The following SLC25A30 variants were observed in gnomAD, a reference collection of about 807,000 sequenced individuals.
SLC25A30 encodes the protein solute carrier family 25 member 30.
A neutral mutation model predicts 42.7 loss-of-function variants in SLC25A30; 29 were observed. The observed-to-expected ratio is 0.68, with a 90% confidence interval of 0.51 to 0.93. The LOEUF is 0.93. Ranked by LOEUF, SLC25A30 falls within the 40% of genes least tolerant of loss-of-function variation. The pLI, the probability that SLC25A30 is intolerant of heterozygous loss-of-function variation, is 0.00. For synonymous variants in SLC25A30, 124 were observed against 131.0 expected, an observed-to-expected ratio of 0.95 and a Z score of 0.37; for missense variants, 300 against 359.7, an observed-to-expected ratio of 0.83 and a Z score of 1.34.
At chr13:45,430,629 A>G in the SLC25A30 span, among the ~76,000 whole-genome samples, 1 of 151,904 alleles carries the variant, frequency 6.6e-6, no homozygotes, top group Non-Finnish European at 1.5e-5. Flanking sequence ...AACATGGTGG[A>G]ACTCCATCTG....
At chr13:45,398,145 C>T (rs1021515946) in intron 8 of SLC25A30, 21 of 673,656 alleles carry the variant, frequency 3.1e-5, no homozygotes, top group Admixed American at 1.3e-4. Context: ...AAAGAAATCA[C>T]GTTCTTTGCA....
upstream of SLC25A30, among the ~76,000 whole-genome samples, chr13:45,420,789 C>T (rs1883872179): frequency 6.6e-6 from 1 of 152,142 alleles, no homozygotes; most frequent in Non-Finnish European, 1.5e-5. Flanking sequence ...CAGCCTCGAA[C>T]TCCTATACTC....
At chr13:45,400,117 C>A (rs1411687505) in intron 7 of SLC25A30, among the ~76,000 whole-genome samples, 2 of 150,312 alleles carry the variant, frequency 1.3e-5, no homozygotes, top group Admixed American at 1.3e-4. Context: ...TGATAATCTG[C>A]AGCTATTAAA....
At chr13:45,421,959 C>T (rs1420057151), upstream of SLC25A30, among the ~76,000 whole-genome samples, 1 of 152,142 alleles carries the variant, frequency 6.6e-6, no homozygotes, top group Non-Finnish European at 1.5e-5. Flanking sequence ...GCTTTTATTG[C>T]CATTTAGGCC....
At chr13:45,425,475 A>G in the SLC25A30 span, among the ~76,000 whole-genome samples, 3 of 96,962 alleles carry the variant, frequency 3.1e-5, no homozygotes. Context: ...AATATATATA[A>G]GCATATATAA....
chr13:45,423,669 A>AAATATATATAAAAAT, the SLC25A30 span, among the ~76,000 whole-genome samples: 31 of 24,318 alleles, frequency 1.3e-3, no homozygotes, highest in Non-Finnish European at 1.7e-3. Flanking sequence ...ATATATATAA[A>AAATATATATAAAAAT]ATACATATTT....
At chr13:45,403,124 G>A (rs1346436626) in intron 5 of SLC25A30, among the ~76,000 whole-genome samples, 1 of 152,168 alleles carries the variant, frequency 6.6e-6, no homozygotes, top group Non-Finnish European at 1.5e-5. Context: ...TAAGGCCTAA[G>A]ATATAATTAA....
chr13:45,399,109 A>T (rs1881674503), intron 7 of SLC25A30, 31 bp from the exon 8 acceptor site: 2 of 1,552,972 alleles, frequency 1.3e-6, no homozygotes, highest in Admixed American at 4.2e-5. Context: ...AAAAAAAAAA[A>T]AGTTAACCAT....
At chr13:45,423,989 A>G in the SLC25A30 span, among the ~76,000 whole-genome samples, 1 of 73,300 alleles carries the variant, frequency 1.4e-5, no homozygotes, top group African/African-American at 4.9e-5. Context: ...ATATATTTAT[A>G]TAAATATATA....
chr13:45,425,701 T>C, the SLC25A30 span, among the ~76,000 whole-genome samples: 2 of 136,746 alleles, frequency 1.5e-5, no homozygotes, highest in African/African-American at 2.7e-5. Context: ...TACACACATA[T>C]ATATTTTTTG....
At chr13:45,423,673 C>G in the SLC25A30 span, among the ~76,000 whole-genome samples, 3 of 8,492 alleles carry the variant, frequency 3.5e-4, no homozygotes, top group Admixed American at 8.8e-3. Context: ...ATATAAAATA[C>G]ATATTTATAT....
intron 8 of SLC25A30, chr13:45,397,609 T>C: frequency 1.1e-5 from 3 of 263,818 alleles, no homozygotes. Context: ...GGCAGGAGAA[T>C]GGCATGAACC....
chr13:45,415,085 T>C (rs756965397), intron 1 of SLC25A30, among the ~76,000 whole-genome samples: 3 of 152,200 alleles, frequency 2.0e-5, no homozygotes, highest in Non-Finnish European at 4.4e-5. Context: ...TAAAACCCAG[T>C]AATTCCTTAC....
At chr13:45,425,585 AAT>A in the SLC25A30 span, among the ~76,000 whole-genome samples, 427 of 71,044 alleles carry the variant, frequency 6.0e-3, 65 homozygotes, top group African/African-American at 0.02. Context: ...TATATATATA[AAT>A]ATATATATAC....
Position 45,405,792 on chromosome 13 carries a change from T to C in SLC25A30, c.307+91A>G, listed in dbSNP as rs192305000. The C allele has an allele frequency of 3.3e-4, 386 of 1,169,178 alleles. 2 individuals carry two copies. The highest frequency in any genetic ancestry group is 4.6e-4 in the Non-Finnish European group (370 of 802,522). 72.4% of individuals were successfully genotyped at this position (1,169,178 alleles called of 1,614,324 possible). ...CTTGTAGCAGTAGGAAAGTCACAAA[T>C]AAGCTGAAGAAAACCTGCTCCAAAA... On this transcript the variant is annotated intron_variant, in intron 4 of 9. Coordinates refer to ENST00000519676, the MANE Select transcript of SLC25A30 (RefSeq NM_001010875.4).
chr13:45,419,705 A>C (rs1405461343), upstream of SLC25A30, among the ~76,000 whole-genome samples: 1 of 150,700 alleles, frequency 6.6e-6, no homozygotes, highest in Non-Finnish European at 1.5e-5. Context: ...CGAGACGGGC[A>C]GATCACCTGA....
chr13:45,427,050 T>C, the SLC25A30 span, among the ~76,000 whole-genome samples: 5 of 152,000 alleles, frequency 3.3e-5, no homozygotes, highest in Non-Finnish European at 5.9e-5. Context: ...AGCTTGGTAA[T>C]TGGATGATGA....
At chr13:45,423,213 C>A (rs1431921822), upstream of SLC25A30, among the ~76,000 whole-genome samples, 9 of 151,826 alleles carry the variant, frequency 5.9e-5, 1 homozygote, top group South Asian at 1.3e-3. Context: ...GAGGCTTTGT[C>A]AAATTGTCTG....
At chr13:45,429,673 A>C in the SLC25A30 span, among the ~76,000 whole-genome samples, 2 of 151,938 alleles carry the variant, frequency 1.3e-5, no homozygotes, top group Non-Finnish European at 2.9e-5. Flanking sequence ...TCTACAAAAA[A>C]AAATTTTTTT....
Sources: gnomAD v4.1 joint callset for allele counts (sites outside exome capture counted in the v4.1 genomes callset) on GRCh38, gnomAD v4.1.1 for gene constraint, MANE v1.5 for transcripts, NCBI Gene and HGNC (gene_info 2026-07-23, HGNC 2026-07-21) for gene names.